TTC21B: variants seen among roughly 807,000 people sequenced by gnomAD.
TTC21B encodes tetratricopeptide repeat protein 21B.
TTC21B carries 127 observed loss-of-function variants against 175.1 expected under a neutral mutation model. The ratio of observed to expected loss-of-function variants is 0.73; its 90% CI spans 0.63 to 0.84. The LOEUF (loss-of-function observed/expected upper bound fraction) is 0.84, where lower values mean the gene tolerates loss of function less well. TTC21B is among the 40% of genes least tolerant of loss of function. TTC21B has a pLI of 0.00. For synonymous variants in TTC21B, 524 were observed against 524.5 expected (o/e 1.00, Z 0.01); for missense variants, 1,561 against 1,558.3 (o/e 1.00, Z -0.03).
intron 4 of TTC21B, among the ~76,000 whole-genome samples, chr2:165,944,752 T>C (rs1465407752): frequency 1.3e-5 from 2 of 152,188 alleles, no homozygotes; most frequent in African/African-American, 2.4e-5. Flanking sequence ...GTTATCAACG[T>C]ATCCTGTATT....
chr2:165,902,444 T>C (rs1685600876), intron 19 of TTC21B, among the ~76,000 whole-genome samples: 3 of 152,200 alleles, frequency 2.0e-5, no homozygotes, highest in Non-Finnish European at 2.9e-5. Context: ...TGCAATATAT[T>C]ATGCTACACA....
At chr2:165,936,827 G>A (rs1025430645) in intron 6 of TTC21B, among the ~76,000 whole-genome samples, 1 of 152,080 alleles carries the variant, frequency 6.6e-6, no homozygotes, top group Non-Finnish European at 1.5e-5. Flanking sequence ...TAAAGCAAGA[G>A]AAACTCTCAT....
At chr2:165,900,970 T>C (rs942035518) in intron 20 of TTC21B, among the ~76,000 whole-genome samples, 1 of 151,554 alleles carries the variant, frequency 6.6e-6, no homozygotes. Context: ...GGCATCATCA[T>C]GGTTAACTGC....
In TTC21B at chr2:165,953,749, C is replaced by T. The variant is rs1047095367; in HGVS notation, c.-44G>A. On this transcript the variant is annotated 5_prime_UTR_variant, in exon 1 of 29. Transcript: ENST00000243344. ...CCGCGGGGCTCTGGGGATTGTCTCG[C>T]CGCAGCCTAAAGGAAGACGCAGAAT... 44 of 1,543,222 alleles carry T rather than the reference C, an allele frequency of 2.9e-5. No homozygotes were observed. The East Asian group carries it at 1.1e-3, about 37-fold the overall frequency.
Position 165,914,691 on chromosome 2 carries a change from G to GTGTGTGTGTGTGTGTGTGTGTC in TTC21B, c.2138+509_2138+510insGACACACACACACACACACACA, listed in dbSNP as rs1245233255. On this transcript the variant is annotated intron_variant, in intron 15 of 28. Coordinates refer to ENST00000243344, the MANE Select transcript of TTC21B (RefSeq NM_024753.5). ...TGTGTGTGTGTGTGTGTGTGTGTGT[G>GTGTGTGTGTGTGTGTGTGTGTC]TGTGTGTTGTGTATCCCAATAACTC... is the stretch of plus-strand genomic sequence containing the variant. 1.0e-3 allele frequency among the ~76,000 whole-genome samples: 152 copies of GTGTGTGTGTGTGTGTGTGTGTC among 148,354 alleles called. 3 individuals are homozygous for GTGTGTGTGTGTGTGTGTGTGTC. Among genetic ancestry groups the GTGTGTGTGTGTGTGTGTGTGTC allele is most frequent in the African/African-American group, 3.6e-3 (139 of 38,442 alleles).
At chr2:165,944,759 T>C (rs1687490642) in intron 4 of TTC21B, among the ~76,000 whole-genome samples, 1 of 152,200 alleles carries the variant, frequency 6.6e-6, no homozygotes, top group Non-Finnish European at 1.5e-5. Flanking sequence ...ACGTATCCTG[T>C]ATTCCATCAA....
At chr2:165,930,411 T>C in intron 8 of TTC21B, 47 bp from the exon 9 acceptor site, 1 of 1,353,774 alleles carries the variant, frequency 7.4e-7, no homozygotes, top group Non-Finnish European at 1.0e-6. Context: ...CTAACATTTC[T>C]ACTGAGACTA....
At chr2:165,898,890 A>T in intron 21 of TTC21B, 123 bp from the exon 22 acceptor site, 1 of 699,664 alleles carries the variant, frequency 1.4e-6, no homozygotes, top group Admixed American at 2.1e-5. Flanking sequence ...AGCATTTTAT[A>T]AAAAGGAGGC....
intron 28 of TTC21B, 118 bp from the exon 29 acceptor site, chr2:165,874,950 C>T (rs1340682389): frequency 2.1e-5 from 17 of 823,180 alleles, no homozygotes; most frequent in Non-Finnish European, 3.5e-5. Flanking sequence ...AATACTACAA[C>T]AGCTATAACA....
chr2:165,875,914 C>T (rs1199729447), intron 28 of TTC21B, among the ~76,000 whole-genome samples: 1 of 151,160 alleles, frequency 6.6e-6, no homozygotes. Flanking sequence ...TTAATATGTA[C>T]TCTTCAGTGG....
chr2:165,941,312 A>C, intron 5 of TTC21B, 128 bp from the exon 6 acceptor site: 2 of 1,039,128 alleles, frequency 1.9e-6, no homozygotes, highest in Non-Finnish European at 2.9e-6. Flanking sequence ...TCACTTTTTA[A>C]GTTTTTGTCA....
intron 20 of TTC21B, 58 bp downstream of exon 20, chr2:165,901,664 G>A: frequency 2.0e-6 from 3 of 1,523,260 alleles, no homozygotes; most frequent in Non-Finnish European, 2.7e-6. Context: ...TTTTACATCT[G>A]AGGAAATTAG....
chr2:165,885,033 C>T (rs1483268138), intron 25 of TTC21B, among the ~76,000 whole-genome samples: 3 of 152,092 alleles, frequency 2.0e-5, no homozygotes, highest in Non-Finnish European at 1.5e-5. Context: ...CCCTGTAGTC[C>T]CAGCTACTCA....
intron 17 of TTC21B, 69 bp downstream of exon 17, chr2:165,912,445 G>T: frequency 1.6e-6 from 2 of 1,223,246 alleles, no homozygotes; most frequent in South Asian, 1.2e-5. Flanking sequence ...GGTGCTCGCT[G>T]AAGCTTCTCG....
chr2:165,911,669 T>TATA (rs200422083), intron 17 of TTC21B, among the ~76,000 whole-genome samples: 8 of 121,508 alleles, frequency 6.6e-5, no homozygotes, highest in African/African-American at 1.7e-4. Flanking sequence ...TATATATATA[T>TATA]TTTTTTTTTT....
intron 27 of TTC21B, among the ~76,000 whole-genome samples, chr2:165,877,378 GCA>G (rs1684699089): frequency 6.6e-6 from 1 of 152,182 alleles, no homozygotes; most frequent in Admixed American, 6.5e-5. Flanking sequence ...GTCAGGCACT[GCA>G]TGATGATGTT....
intron 12 of TTC21B, among the ~76,000 whole-genome samples, chr2:165,921,852 T>TG (rs1686419347): frequency 6.6e-6 from 1 of 151,854 alleles, no homozygotes; most frequent in Non-Finnish European, 1.5e-5. Flanking sequence ...AATAGGTTTT[T>TG]GGGGAACAGG....
chr2:165,937,360 T>C (rs935320387), intron 6 of TTC21B, among the ~76,000 whole-genome samples: 1 of 152,158 alleles, frequency 6.6e-6, no homozygotes, highest in Non-Finnish European at 1.5e-5. Context: ...GATACTATAA[T>C]GGTGGATACA....
chr2:165,947,460 G>T (rs767386133), intron 3 of TTC21B: 20 of 151,652 alleles, frequency 1.3e-4, no homozygotes, highest in Non-Finnish European at 2.5e-4. Flanking sequence ...TGCTTAGCAA[G>T]AAGACCCTTT....
Sources: gnomAD v4.1 joint callset for allele counts (sites outside exome capture counted in the v4.1 genomes callset) on GRCh38, gnomAD v4.1.1 for gene constraint, MANE v1.5 for transcripts, NCBI Gene and HGNC (gene_info 2026-07-23, HGNC 2026-07-21) for gene names.